Variants in SLC4A5 observed in about 807,000 individuals in gnomAD.
SLC4A5 encodes the protein electrogenic sodium bicarbonate cotransporter 4.
Under a neutral mutation model 120.4 loss-of-function variants are expected in SLC4A5, and 96 were observed. That is an observed-to-expected ratio of 0.80 (90% CI 0.68 to 0.94). The LOEUF (loss-of-function observed/expected upper bound fraction) is 0.94. Among genes scored for constraint, SLC4A5 ranks in the 40% least tolerant of loss-of-function variants. The pLI is 0.00. For synonymous variants in SLC4A5, 550 were observed against 571.1 expected (o/e 0.96, Z 0.53); for missense variants, 1,259 against 1,459.5 (o/e 0.86, Z 2.24).
intron 14 of SLC4A5, 58 bp from the exon 15 acceptor site, chr2:74,253,186 G>A: frequency 6.3e-7 from 1 of 1,593,124 alleles, no homozygotes. Context: ...AAATGCCTGG[G>A]AGCATATCAC....
intron 11 of SLC4A5, among the ~76,000 whole-genome samples, chr2:74,260,167 A>G (rs1353046388): frequency 1.3e-5 from 2 of 152,152 alleles, no homozygotes; most frequent in African/African-American, 4.8e-5. Flanking sequence ...TGAACTGCCC[A>G]ATAGTTCCTT....
intron 8 of SLC4A5, among the ~76,000 whole-genome samples, chr2:74,280,253 C>A (rs1671770859): frequency 6.6e-6 from 1 of 152,128 alleles, no homozygotes; most frequent in Non-Finnish European, 1.5e-5. Flanking sequence ...CCTCTCCTGG[C>A]TAACTCTGAC....
exon 11 of SLC4A5, chr2:74,262,223 G>T: frequency 6.3e-7 from 1 of 1,581,420 alleles, no homozygotes; most frequent in African/African-American, 1.4e-5. Flanking sequence ...GCTCCGGGCA[G>T]GACTGCGATC....
intron 27 of SLC4A5, among the ~76,000 whole-genome samples, chr2:74,226,339 C>T (rs1694840032): frequency 6.6e-6 from 1 of 152,224 alleles, no homozygotes; most frequent in South Asian, 2.1e-4. Context: ...GGTCACTGCC[C>T]TCGGTGAGTT....
chr2:74,249,579 C>T (rs1670726917), intron 17 of SLC4A5, among the ~76,000 whole-genome samples: 1 of 152,102 alleles, frequency 6.6e-6, no homozygotes, highest in South Asian at 2.1e-4. Context: ...GCAGCTGGGA[C>T]TTATGAGTCA....
chr2:74,259,070 A>T (rs1671055803), intron 12 of SLC4A5, among the ~76,000 whole-genome samples: 1 of 152,222 alleles, frequency 6.6e-6, no homozygotes, highest in African/African-American at 2.4e-5. Flanking sequence ...TGTGGGCCTT[A>T]GAACTGGACC....
At chr2:74,278,020 T>C (rs1051905533) in intron 8 of SLC4A5, among the ~76,000 whole-genome samples, 18 of 152,188 alleles carry the variant, frequency 1.2e-4, no homozygotes, top group African/African-American at 3.9e-4. Context: ...CTACTTTTTG[T>C]GTTTGAAATT....
At chr2:74,253,279 T>G in intron 14 of SLC4A5, 151 bp from the exon 15 acceptor site, 3 of 928,482 alleles carry the variant, frequency 3.2e-6, no homozygotes, top group Non-Finnish European at 4.8e-6. Context: ...CTATAGTACA[T>G]TGGTAAAATA....
At chr2:74,310,607 T>C (rs1276374236) in intron 6 of SLC4A5, among the ~76,000 whole-genome samples, 1 of 152,202 alleles carries the variant, frequency 6.6e-6, no homozygotes, top group Non-Finnish European at 1.5e-5. Flanking sequence ...TTATCTTAAT[T>C]GACTTTTGAA....
At chr2:74,223,487 G>C (rs1484568683) in intron 28 of SLC4A5, among the ~76,000 whole-genome samples, 7 of 152,322 alleles carry the variant, frequency 4.6e-5, no homozygotes, top group Admixed American at 4.6e-4. Context: ...TTCCAGGAAT[G>C]TTACTCATCA....
intron 8 of SLC4A5, among the ~76,000 whole-genome samples, chr2:74,279,998 C>G (rs568027216): frequency 1.3e-5 from 2 of 152,264 alleles, no homozygotes; most frequent in Non-Finnish European, 2.9e-5. Flanking sequence ...ATTCTCCACA[C>G]TAAAGTGAGA....
chr2:74,252,457 T>C, intron 15 of SLC4A5, 69 bp from the exon 16 acceptor site: 1 of 1,544,298 alleles, frequency 6.5e-7, no homozygotes, highest in South Asian at 1.2e-5. Context: ...ACCAAAATTA[T>C]GAAATATCTT....
chr2:74,305,291 T>G (rs1672607520), intron 6 of SLC4A5, among the ~76,000 whole-genome samples: 1 of 152,164 alleles, frequency 6.6e-6, no homozygotes, highest in African/African-American at 2.4e-5. Flanking sequence ...TTCCCTCACC[T>G]CTCAGATAGG....
intron 6 of SLC4A5, among the ~76,000 whole-genome samples, chr2:74,312,931 CTAAA>C (rs1469744023): frequency 6.6e-6 from 1 of 151,590 alleles, no homozygotes; most frequent in Non-Finnish European, 1.5e-5. Context: ...CACTTCATCT[CTAAA>C]TAAATAAATA....
intron 9 of SLC4A5, among the ~76,000 whole-genome samples, chr2:74,264,552 G>A (rs1671242969): frequency 6.7e-6 from 1 of 148,244 alleles, no homozygotes; most frequent in South Asian, 2.1e-4. Context: ...CTTATGAAAA[G>A]TGAAATAAAC....
At chr2:74,318,157 G>A (rs1245573524) in intron 5 of SLC4A5, among the ~76,000 whole-genome samples, 5 of 151,914 alleles carry the variant, frequency 3.3e-5, no homozygotes, top group East Asian at 1.9e-4. Context: ...TGCACACTGC[G>A]CATGTGACAA....
chr2:74,263,571 C>G (rs1338255054), intron 10 of SLC4A5, among the ~76,000 whole-genome samples: 2 of 152,172 alleles, frequency 1.3e-5, no homozygotes, highest in African/African-American at 2.4e-5. Context: ...GCCACTCTCT[C>G]TAAATGGCCC....
At chr2:74,231,470 T>C (rs1449563326) in intron 24 of SLC4A5, among the ~76,000 whole-genome samples, 162 bp from the exon 25 acceptor site, 1 of 152,076 alleles carries the variant, frequency 6.6e-6, no homozygotes, top group African/African-American at 2.4e-5. Context: ...AGCTGAACCA[T>C]ATGTGGGAAG....
chr2:74,266,653 A>G (rs978143034), intron 8 of SLC4A5, among the ~76,000 whole-genome samples: 1 of 152,192 alleles, frequency 6.6e-6, no homozygotes, highest in Non-Finnish European at 1.5e-5. Flanking sequence ...TTCACCAAAC[A>G]CAATACTAAA....
Sources: allele counts gnomAD v4.1 joint callset (sites outside exome capture counted in the v4.1 genomes callset), GRCh38; gene constraint gnomAD v4.1.1; transcripts MANE v1.5; gene names NCBI Gene and HGNC (gene_info 2026-07-23, HGNC 2026-07-21).